DLG2: variants seen among roughly 807,000 people sequenced by gnomAD.
DLG2 encodes disks large homolog 2.
DLG2 carries 45 observed loss-of-function variants against 132.5 expected under a neutral mutation model. That is an observed-to-expected ratio of 0.34 (90% CI 0.27 to 0.44). DLG2 has a LOEUF of 0.44. DLG2 is among the 20% of genes least tolerant of loss of function. The pLI is 1.00. For synonymous variants in DLG2, 424 were observed against 419.6 expected, an observed-to-expected ratio of 1.01 and a Z score of -0.13; for missense variants, 1,045 against 1,196.9, an observed-to-expected ratio of 0.87 and a Z score of 1.87.
intron 6 of DLG2, among the ~76,000 whole-genome samples, chr11:84,537,481 T>C (rs1323248562): frequency 6.6e-6 from 1 of 152,224 alleles, no homozygotes; most frequent in Admixed American, 6.5e-5. Flanking sequence ...GAGTCTCATT[T>C]TTAAGCTTCT....
intron 4 of DLG2, among the ~76,000 whole-genome samples, chr11:85,216,057 T>C (rs2082571995): frequency 6.6e-6 from 1 of 150,386 alleles, no homozygotes; most frequent in Non-Finnish European, 1.5e-5. Flanking sequence ...TGATGTGCAT[T>C]TGTAGTCCCA....
chr11:84,272,245 G>T, intron 7 of DLG2: 1 of 409,238 alleles, frequency 2.4e-6, no homozygotes. Flanking sequence ...AAATATGATG[G>T]CATCTAACTT....
At chr11:84,830,405 G>A (rs1219132124) in intron 6 of DLG2, among the ~76,000 whole-genome samples, 5 of 151,046 alleles carry the variant, frequency 3.3e-5, no homozygotes, top group Non-Finnish European at 5.9e-5. Context: ...GAACTTAAAG[G>A]AACAGGCAGA....
At chr11:83,573,305 T>C (rs1326491549) in intron 19 of DLG2, among the ~76,000 whole-genome samples, 3 of 152,164 alleles carry the variant, frequency 2.0e-5, no homozygotes, top group Admixed American at 6.6e-5. Context: ...CATCTCTATG[T>C]CATCAGTTAG....
chr11:83,534,208 C>T (rs1341951391), intron 20 of DLG2, among the ~76,000 whole-genome samples: 1 of 152,172 alleles, frequency 6.6e-6, no homozygotes, highest in African/African-American at 2.4e-5. Context: ...TGTTTACTTA[C>T]ATTTGCACTG....
intron 6 of DLG2, among the ~76,000 whole-genome samples, chr11:84,853,147 A>T (rs1357864321): frequency 6.6e-6 from 1 of 151,944 alleles, no homozygotes; most frequent in Non-Finnish European, 1.5e-5. Flanking sequence ...CTACACTAAA[A>T]TTGGAGGAGC....
chr11:85,057,684 C>G (rs2155039), intron 6 of DLG2, among the ~76,000 whole-genome samples: 101,733 of 151,142 alleles, frequency 0.67, 34,748 homozygotes, highest in African/African-American at 0.76. Context: ...TTTTAAAAAA[C>G]ACAAAAACAG....
chr11:85,610,372 C>G (rs572137208), intron 2 of DLG2, among the ~76,000 whole-genome samples: 1 of 151,932 alleles, frequency 6.6e-6, no homozygotes, highest in Non-Finnish European at 1.5e-5. Flanking sequence ...AACCCCTATA[C>G]CCTGCTCTCT....
Position 83,623,476 on chromosome 11 carries a change from T to C in DLG2, c.1940+9735A>G, listed in dbSNP as rs142934213. 3.1e-3 allele frequency among the ~76,000 whole-genome samples: 466 copies of C among 152,292 alleles called. 7 individuals carry two copies. The highest frequency in any genetic ancestry group is 0.011 in the African/African-American group (444 of 41,562). ...TGTCCGGAAGCAGAATTTAAGGAGA[T>C]GAAATCTCCATCTTCGAGATACTCA... On this transcript the variant is annotated intron_variant, in intron 19 of 27. Coordinates refer to ENST00000376104, the MANE Select transcript of DLG2 (RefSeq NM_001142699.3).
chr11:83,862,472 T>C (rs548242412), intron 16 of DLG2, among the ~76,000 whole-genome samples: 2 of 152,092 alleles, frequency 1.3e-5, no homozygotes, highest in African/African-American at 2.4e-5. Flanking sequence ...AATATTGAGA[T>C]GGTTAATGGG....
At chr11:84,625,022 G>A (rs1365684963) in intron 6 of DLG2, among the ~76,000 whole-genome samples, 3 of 149,280 alleles carry the variant, frequency 2.0e-5, no homozygotes, top group Non-Finnish European at 4.4e-5. Flanking sequence ...CACTACGCCC[G>A]GCTAATTTTT....
chr11:85,542,044 A>G (rs2076005934), intron 3 of DLG2, among the ~76,000 whole-genome samples: 1 of 152,190 alleles, frequency 6.6e-6, no homozygotes, highest in African/African-American at 2.4e-5. Context: ...TTTACAGCTA[A>G]TTTATTTACA....
chr11:84,068,386 C>G (rs2096709730), intron 10 of DLG2, among the ~76,000 whole-genome samples: 1 of 152,224 alleles, frequency 6.6e-6, no homozygotes, highest in South Asian at 2.1e-4. Context: ...GTGACCAATA[C>G]TTTACATGTG....
chr11:85,154,669 A>G lies in DLG2; in HGVS notation c.187-18T>C, dbSNP rs74562224. On this transcript the variant is annotated intron_variant, in intron 4 of 27. Coordinates refer to ENST00000376104, the MANE Select transcript of DLG2 (RefSeq NM_001142699.3). ...TCTGTAAGCTAAAATAAAAGTTTAA[A>G]AAATCAATACTCCTTTTTTATTTTC... 0.027 allele frequency: 32,036 copies of G among 1,205,558 alleles called. 528 individuals are homozygous for G. Among genetic ancestry groups the G allele is most frequent in the African/African-American group, 0.064 (4,235 of 65,860 alleles). The allele number at this position is 1,205,558 out of a possible 1,614,324, so 74.7% of individuals were successfully genotyped here. A position where few individuals can be genotyped will look rare whatever the true frequency, so the allele number is the denominator to read the frequency against.
intron 7 of DLG2, among the ~76,000 whole-genome samples, chr11:84,354,523 T>C (rs1159294922): frequency 6.6e-6 from 1 of 152,136 alleles, no homozygotes; most frequent in East Asian, 1.9e-4. Flanking sequence ...ATGAGAAAAA[T>C]GCTATTTGCT....
chr11:85,201,428 T>C (rs2081450166), intron 4 of DLG2, among the ~76,000 whole-genome samples: 1 of 151,686 alleles, frequency 6.6e-6, no homozygotes, highest in African/African-American at 2.4e-5. Context: ...CCTAGGTCCC[T>C]GGCCAGCTTT....
intron 7 of DLG2, among the ~76,000 whole-genome samples, chr11:84,380,411 G>A (rs1230043777): frequency 2.0e-5 from 3 of 151,948 alleles, no homozygotes; most frequent in Non-Finnish European, 4.4e-5. Flanking sequence ...TAGAAACAAT[G>A]TTGTTGACCA....
At position 85,465,009 on chromosome 11, in the gene DLG2, G is replaced by C. The variant is rs951359194; in HGVS notation, c.40+133648C>G. ...GAATCACTTGAACCTAGGAGGTGGA[G>C]GTTGTAGTGAGCCAAGATTGTGCCA... is the stretch of plus-strand genomic sequence containing the variant. On this transcript the variant is annotated intron_variant, in intron 3 of 27. Coordinates refer to ENST00000376104, the MANE Select transcript of DLG2 (RefSeq NM_001142699.3). Among the ~76,000 whole-genome samples, 4 of 137,428 alleles carry C rather than the reference G, an allele frequency of 2.9e-5. No individual in the cohort carries two copies. The East Asian group carries it at 9.1e-4, about 31-fold the overall frequency. The allele number at this position is 137,428 out of a possible 152,430, so 90.2% of individuals were successfully genotyped here. A position where few individuals can be genotyped will look rare whatever the true frequency, so the allele number is the denominator to read the frequency against.
chr11:83,754,354 A>G (rs936625287), intron 18 of DLG2, among the ~76,000 whole-genome samples: 8 of 151,258 alleles, frequency 5.3e-5, no homozygotes, highest in African/African-American at 2.0e-4. Context: ...AATGTCAAGT[A>G]TATCCAATAA....
Sources: gnomAD v4.1 joint callset for allele counts (sites outside exome capture counted in the v4.1 genomes callset) on GRCh38, gnomAD v4.1.1 for gene constraint, MANE v1.5 for transcripts, NCBI Gene and HGNC (gene_info 2026-07-23, HGNC 2026-07-21) for gene names.